The following SUSD3 variants were observed in gnomAD, a reference collection of about 807,000 sequenced individuals.
SUSD3 encodes the protein sushi domain containing 3.
A neutral mutation model predicts 20.6 loss-of-function variants in SUSD3; 18 were observed. The ratio of observed to expected loss-of-function variants is 0.87; its 90% confidence interval spans 0.60 to 1.30. SUSD3 has a LOEUF of 1.30. SUSD3 is among the 50% of genes most tolerant of loss of function. The pLI is 0.00. For missense variants in SUSD3, 306 were observed against 346.9 expected, an observed-to-expected ratio of 0.88 and a Z score of 0.94; for synonymous variants, 137 against 141.5, an observed-to-expected ratio of 0.97 and a Z score of 0.23.
At position 93,074,270 on chromosome 9, in the gene SUSD3, A is replaced by G. The variant is rs556673216; in HGVS notation, c.89-1514A>G. Among the ~76,000 whole-genome samples the G allele has an allele frequency of 2.5e-3, 377 of 151,910 alleles. 1 individual carries two copies. The highest frequency in any genetic ancestry group is 8.7e-3 in the African/African-American group (360 of 41,420). On this transcript the variant is annotated intron_variant, in intron 1 of 4. Transcript: ENST00000375472. ...ATGGTGAAACCCCGTCTCTACTAAAAATACAAAAAATCAGCCAGGTGTGGT... is the reference window on the plus strand; with the variant it reads ...ATGGTGAAACCCCGTCTCTACTAAAGATACAAAAAATCAGCCAGGTGTGGT...
chr9:93,069,629 C>T (rs2118940911), intron 1 of SUSD3, among the ~76,000 whole-genome samples: 1 of 152,238 alleles, frequency 6.6e-6, no homozygotes, highest in Admixed American at 6.5e-5. Flanking sequence ...TGCTACTGTA[C>T]AGAAATACAT....
chr9:93,076,309 G>GTTCATTCA (rs35809322), intron 2 of SUSD3, among the ~76,000 whole-genome samples: 174 of 151,434 alleles, frequency 1.1e-3, no homozygotes, highest in Non-Finnish European at 1.6e-3. Flanking sequence ...AACTATGTTT[G>GTTCATTCA]TTCATTCATT....
Position 93,075,899 on chromosome 9 carries a change from G to C in SUSD3, c.204G>C (p.Val68=). The C allele has an allele frequency of 6.2e-7, 1 of 1,614,078 alleles. No homozygotes were observed. The highest frequency in any genetic ancestry group is 8.5e-7 in the Non-Finnish European group (1 of 1,179,992). Residue 68 remains valine (V), a synonymous_variant, in exon 2 of 5, where the codon GTG becomes GTC. Transcript: ENST00000375472. ...GCTGCCCCTCCAACCACCAGATGGT[G>C]GGGTCTGGGCTCCTCACCTGCACCT... The part of the protein sequence containing the change: ...MFRCPSNHQM[V]GSGLLTCTWK...
At chr9:93,066,966 C>A (rs1825742589) in intron 1 of SUSD3, among the ~76,000 whole-genome samples, 1 of 152,162 alleles carries the variant, frequency 6.6e-6, no homozygotes, top group South Asian at 2.1e-4. Flanking sequence ...CCTTGGCCTC[C>A]CAAAGTGCTG....
chr9:93,074,957 G>A (rs1487710411), intron 1 of SUSD3, among the ~76,000 whole-genome samples: 1 of 152,070 alleles, frequency 6.6e-6, no homozygotes, highest in Admixed American at 6.6e-5. Flanking sequence ...TGCAACATAG[G>A]GTGCTTATTG....
chr9:93,058,902 G>A (rs1330567908), intron 1 of SUSD3, 72 bp downstream of exon 1: 2 of 943,286 alleles, frequency 2.1e-6, no homozygotes, highest in East Asian at 3.3e-5. Context: ...CCGAGGGGAG[G>A]GGGTCGCGGG....
intron 4 of SUSD3, among the ~76,000 whole-genome samples, 166 bp from the exon 5 acceptor site, chr9:93,084,371 C>T (rs1826556433): frequency 6.6e-6 from 1 of 152,122 alleles, no homozygotes; most frequent in East Asian, 1.9e-4. Context: ...CCTCTGTGCA[C>T]CTTAGGGTGC....
chr9:93,060,646 C>T (rs1825467087), intron 1 of SUSD3, among the ~76,000 whole-genome samples: 1 of 151,902 alleles, frequency 6.6e-6, no homozygotes, highest in East Asian at 1.9e-4. Context: ...ACCTGGGTAA[C>T]ATAGCAAGAC....
rs1826590786 is a variant in SUSD3 at position 93,084,848 on chromosome 9, T to C, written c.*101T>C. 9.1e-7 allele frequency: 1 copy of C among 1,096,958 alleles called. No homozygotes were observed. Among genetic ancestry groups the C allele is most frequent in the Non-Finnish European group, 1.2e-6 (1 of 803,944 alleles). The allele number at this position is 1,096,958 out of a possible 1,614,324, so 68.0% of individuals were successfully genotyped here. ...CACATCAACTCCACATGCGCCCAGC[T>C]CGAGACTGATGAGTGGAATCAGCTT... On this transcript the variant is annotated 3_prime_UTR_variant, in exon 5 of 5. Coordinates refer to ENST00000375472, the MANE Select transcript of SUSD3 (RefSeq NM_145006.4).
At chr9:93,066,996 C>A (rs901067190) in intron 1 of SUSD3, among the ~76,000 whole-genome samples, 1 of 152,144 alleles carries the variant, frequency 6.6e-6, no homozygotes, top group Non-Finnish European at 1.5e-5. Flanking sequence ...GTGTGAGCCA[C>A]CATACCCAGC....
chr9:93,083,002 G>A (rs898595635), intron 4 of SUSD3, among the ~76,000 whole-genome samples: 7 of 152,216 alleles, frequency 4.6e-5, no homozygotes, highest in South Asian at 4.1e-4. Flanking sequence ...GTGTGTGGTC[G>A]GACGTGTGCG....
At chr9:93,058,960 C>A (rs952667036) in intron 1 of SUSD3, 130 bp downstream of exon 1, 6 of 496,136 alleles carry the variant, frequency 1.2e-5, no homozygotes, top group African/African-American at 2.0e-5. Context: ...GCCCCGAGGA[C>A]GAACCTCCTC....
chr9:93,070,075 G>A (rs928400857), intron 1 of SUSD3, among the ~76,000 whole-genome samples: 2 of 152,126 alleles, frequency 1.3e-5, no homozygotes, highest in East Asian at 1.9e-4. Context: ...CACCATGCCT[G>A]GCCGAGCCAT....
rs774773520 is a variant in SUSD3 at position 93,079,504 on chromosome 9, G to A, written c.459G>A (p.Glu153=). 7 of 1,614,082 alleles carry A rather than the reference G, an allele frequency of 4.3e-6. No individual in the cohort carries two copies. Among genetic ancestry groups the A allele is most frequent in the Non-Finnish European group, 5.1e-6 (6 of 1,179,976 alleles). ...SAQLWSQLKD[E]DLETVQAAYL... is the part of the protein sequence containing the mutation. ...AGCTGTGGTCCCAGCTGAAAGATGA[G>A]GACTTGGAGACGGTGCAGGCCGCAT... Residue 153 remains glutamate (E), a synonymous_variant, in exon 4 of 5, where the codon GAG becomes GAA. Transcript: ENST00000375472.
Position 93,084,831 on chromosome 9 carries a change from C to T in SUSD3, c.*84C>T. On this transcript the variant is annotated 3_prime_UTR_variant, in exon 5 of 5. Coordinates refer to ENST00000375472, the MANE Select transcript of SUSD3 (RefSeq NM_145006.4). ...CCAGTCAGCTACAACTCCACATCAA[C>T]TCCACATGCGCCCAGCTCGAGACTG... 1 of 1,234,696 alleles carries T rather than the reference C, an allele frequency of 8.1e-7. No homozygotes were observed. The highest frequency in any genetic ancestry group is 2.7e-5 in the East Asian group (1 of 36,716). The allele number at this position is 1,234,696 out of a possible 1,614,324, so 76.5% of individuals were successfully genotyped here.
At chr9:93,067,512 AAGC>A (rs1216279833) in intron 1 of SUSD3, among the ~76,000 whole-genome samples, 2 of 152,148 alleles carry the variant, frequency 1.3e-5, no homozygotes, top group Non-Finnish European at 2.9e-5. Flanking sequence ...CAGTTTTCCA[AAGC>A]TGTTGCACCA....
At chr9:93,079,670 A>ACCTGCTGCTCCCACACGCTGAGAG (rs1469396311) in intron 4 of SUSD3, 68 bp downstream of exon 4, 1 of 1,558,438 alleles carries the variant, frequency 6.4e-7, no homozygotes, top group African/African-American at 1.4e-5. Flanking sequence ...GCCCCGGGCC[A>ACCTGCTGCTCCCACACGCTGAGAG]CCTGCTGCTC....
At chr9:93,066,114 C>T (rs558582087) in intron 1 of SUSD3, among the ~76,000 whole-genome samples, 1 of 152,340 alleles carries the variant, frequency 6.6e-6, no homozygotes, top group Admixed American at 6.5e-5. Context: ...GCTCCTCAGG[C>T]CCTCCCCACT....
At chr9:93,082,410 C>T (rs541101300) in intron 4 of SUSD3, among the ~76,000 whole-genome samples, 50 of 149,988 alleles carry the variant, frequency 3.3e-4, no homozygotes, top group African/African-American at 1.1e-3. Flanking sequence ...CTCCGCCTCC[C>T]GGGTTCACAC....
Sources: gnomAD v4.1 joint callset for allele counts (sites outside exome capture counted in the v4.1 genomes callset) on GRCh38, gnomAD v4.1.1 for gene constraint, MANE v1.5 for transcripts, NCBI Gene and HGNC (gene_info 2026-07-23, HGNC 2026-07-21) for gene names.